The following PTPRF variants were observed in gnomAD, a reference collection of about 807,000 sequenced individuals.
PTPRF encodes the protein protein tyrosine phosphatase receptor type F.
In PTPRF, 59 loss-of-function variants were observed where a neutral mutation model predicts 201.8. The ratio of observed to expected loss-of-function variants is 0.29; its 90% confidence interval spans 0.24 to 0.36. The LOEUF is 0.36. PTPRF is among the 10% of genes least tolerant of loss of function. The probability of loss-of-function intolerance (pLI) is 1.00; values close to 1 mark genes in which losing one functional copy is unlikely to be tolerated. For synonymous variants in PTPRF, 1,088 were observed against 1,089.7 expected (o/e 1.00, Z 0.03); for missense variants, 2,132 against 2,690.5 (o/e 0.79, Z 4.59).
At chr1:43,578,324 T>A (rs1055169622) in intron 6 of PTPRF, among the ~76,000 whole-genome samples, 1 of 152,092 alleles carries the variant, frequency 6.6e-6, no homozygotes, top group African/African-American at 2.4e-5. Flanking sequence ...GCAAACCCAT[T>A]CCTTCCTGGT....
chr1:43,569,343 C>A (rs940986407), intron 5 of PTPRF, among the ~76,000 whole-genome samples: 1 of 151,990 alleles, frequency 6.6e-6, no homozygotes, highest in African/African-American at 2.4e-5. Flanking sequence ...CAGTCTGAGG[C>A]GTTGCCTCTC....
chr1:43,594,649 G>A (rs1173478271), intron 11 of PTPRF, among the ~76,000 whole-genome samples: 1 of 152,118 alleles, frequency 6.6e-6, no homozygotes, highest in Non-Finnish European at 1.5e-5. Context: ...GGTCAGACTT[G>A]GTAATGGGTT....
rs1651030995 is a variant in PTPRF at position 43,592,384 on chromosome 1, GCCCAT to G, written c.1669-72_1669-68del. On this transcript the variant is annotated intron_variant, in intron 10 of 33. Coordinates refer to ENST00000359947, the MANE Select transcript of PTPRF (RefSeq NM_002840.5). ...GTGGGTCCAGAGGTGTCACATTGCAGCCCATGTTGGGGAACAACCTGTGAGTGACT... is the reference window on the plus strand; with the variant it reads ...GTGGGTCCAGAGGTGTCACATTGCAGGTTGGGGAACAACCTGTGAGTGACT... The G allele has an allele frequency of 2.6e-6, 4 of 1,533,306 alleles. No homozygotes were observed. In the African/African-American group the frequency reaches 4.1e-5, roughly 16 times the overall value. 95.0% of individuals were successfully genotyped at this position (1,533,306 alleles called of 1,614,324 possible). A position where few individuals can be genotyped will look rare whatever the true frequency, so the allele number is the denominator to read the frequency against.
chr1:43,613,663 A>G lies in PTPRF; in HGVS notation c.4019A>G (p.Asn1340Ser), dbSNP rs754321401. The change falls in exon 23 of 34, where the codon AAC becomes AGC. Residue 1340 changes from asparagine (N) to serine (S), a missense_variant. Transcript: ENST00000359947. Reference protein sequence around the residue: ...PPIPITDLADNIERLKANDGL... With the variant: ...PPIPITDLADSIERLKANDGL... Reference sequence around the variant, plus strand: ...ATCCCCATCACCGACCTGGCGGACAACATCGAGCGCCTCAAAGCCAACGAT... The same window carrying G: ...ATCCCCATCACCGACCTGGCGGACAGCATCGAGCGCCTCAAAGCCAACGAT... The G allele has an allele frequency of 6.2e-7, 1 of 1,614,130 alleles. No homozygotes were observed. The highest frequency in any genetic ancestry group is 1.1e-5 in the South Asian group (1 of 91,068).
intron 21 of PTPRF, 89 bp downstream of exon 21, chr1:43,607,057 A>G (rs1237226227): frequency 6.6e-7 from 1 of 1,522,556 alleles, no homozygotes; most frequent in African/African-American, 1.4e-5. Context: ...GAGAGCGTGC[A>G]GCCTTGCATC....
chr1:43,569,253 A>G (rs1421977614), intron 5 of PTPRF, among the ~76,000 whole-genome samples: 2 of 113,480 alleles, frequency 1.8e-5, no homozygotes, highest in East Asian at 6.0e-4. Context: ...CCCAGCATTC[A>G]TGCAGTGCTT....
chr1:43,564,763 C>T (rs1007815776), intron 5 of PTPRF, among the ~76,000 whole-genome samples: 3 of 152,076 alleles, frequency 2.0e-5, no homozygotes, highest in Admixed American at 1.3e-4. Flanking sequence ...TGCGTTTGCA[C>T]GGAGACGCCA....
intron 1 of PTPRF, among the ~76,000 whole-genome samples, chr1:43,532,847 C>T (rs1354088451): frequency 6.6e-6 from 1 of 152,110 alleles, no homozygotes; most frequent in Non-Finnish European, 1.5e-5. Context: ...TACCCTCTTG[C>T]CTTCATTTCC....
Position 43,546,861 on chromosome 1 carries a change from C to T in PTPRF, c.91+1695C>T, listed in dbSNP as rs1310277170. 1.3e-5 allele frequency among the ~76,000 whole-genome samples: 2 copies of T among 152,218 alleles called. No individual in the cohort carries two copies. Among genetic ancestry groups the T allele is most frequent in the Admixed American group, 6.5e-5 (1 of 15,282 alleles). ...GTGATATCCCACATCTAATCCATCACCAAGCTCCGTTGCTTCTACCTTCTG... is the reference window on the plus strand; with the variant it reads ...GTGATATCCCACATCTAATCCATCATCAAGCTCCGTTGCTTCTACCTTCTG... On this transcript the variant is annotated intron_variant, in intron 3 of 33. Coordinates refer to ENST00000359947, the MANE Select transcript of PTPRF (RefSeq NM_002840.5). This position sits in a 1 kb window ranked among gnomAD's most constrained non-coding sequence, Gnocchi z 4.2.
intron 1 of PTPRF, 144 bp downstream of exon 1, chr1:43,531,234 A>G (rs532339315): frequency 9.4e-6 from 1 of 106,304 alleles, no homozygotes; most frequent in African/African-American, 3.6e-5. Flanking sequence ...CCGCGCCCCC[A>G]CCTGCCGCGC....
upstream of PTPRF, among the ~76,000 whole-genome samples, chr1:43,529,944 T>C (rs1557644900): frequency 6.6e-6 from 1 of 152,048 alleles, no homozygotes; most frequent in Admixed American, 6.5e-5. Flanking sequence ...CAGCTGGAAT[T>C]GGTATAATAT....
intron 22 of PTPRF, among the ~76,000 whole-genome samples, chr1:43,610,445 A>G (rs957384582): frequency 6.6e-6 from 1 of 152,270 alleles, no homozygotes; most frequent in African/African-American, 2.4e-5. Flanking sequence ...ACAGGGGCAC[A>G]GCAGGAACAG....
rs1645171656 is a variant in PTPRF, at chr1:43,553,685, ACT to A, written c.237+54_237+55del. 1.2e-6 allele frequency: 2 copies of A among 1,610,638 alleles called. No individual in the cohort carries two copies. The highest frequency in any genetic ancestry group is 1.3e-5 in the African/African-American group (1 of 74,858). On this transcript the variant is annotated intron_variant, in intron 4 of 33. Coordinates refer to ENST00000359947, the MANE Select transcript of PTPRF (RefSeq NM_002840.5). The surrounding 1 kb of genome is among the most constrained non-coding windows in gnomAD (Gnocchi z 4.1). ...TCGGCAGGGCTCAGGGTCTGCCCAC[ACT>A]CTCTCCTTTCAGTGTCCCTCCTCAT...
upstream of PTPRF, among the ~76,000 whole-genome samples, chr1:43,530,352 T>G (rs1243591396): frequency 6.6e-6 from 1 of 151,980 alleles, no homozygotes. This position sits in a 1 kb window ranked among gnomAD's most constrained non-coding sequence, Gnocchi z 4.1. Flanking sequence ...GGCTGAGCAT[T>G]AGTACAGGGT....
chr1:43,618,211 CCCAGATGCTGGAGTGTT>C (rs1209097441), intron 25 of PTPRF, among the ~76,000 whole-genome samples: 1 of 152,086 alleles, frequency 6.6e-6, no homozygotes, highest in Non-Finnish European at 1.5e-5. Context: ...TCATGTGTTC[CCCAGATGCTGGAGTGTT>C]CCTGGGGCAT....
chr1:43,604,760 G>A (rs1654631938), intron 16 of PTPRF, 143 bp from the exon 17 acceptor site: 2 of 701,022 alleles, frequency 2.9e-6, no homozygotes, highest in South Asian at 1.7e-5. Context: ...GGCTGGGAGT[G>A]GGGCGCTTGG....
chr1:43,570,236 C>CTGT (rs1646476177), intron 6 of PTPRF, among the ~76,000 whole-genome samples: 2 of 152,218 alleles, frequency 1.3e-5, no homozygotes, highest in African/African-American at 4.8e-5. Context: ...AGGGGACTTG[C>CTGT]TGTTGTCCCT....
chr1:43,585,154 T>C (rs1648799300), intron 7 of PTPRF, among the ~76,000 whole-genome samples: 1 of 152,174 alleles, frequency 6.6e-6, no homozygotes, highest in Non-Finnish European at 1.5e-5. Context: ...TGCTGTTGCT[T>C]CTGTCAATAG....
In PTPRF at chr1:43,546,599, C is replaced by A. The variant is rs1644690673; in HGVS notation, c.91+1433C>A. On this transcript the variant is annotated intron_variant, in intron 3 of 33. Coordinates refer to ENST00000359947, the MANE Select transcript of PTPRF (RefSeq NM_002840.5). The surrounding 1 kb of genome is among the most constrained non-coding windows in gnomAD (Gnocchi z 4.2). ...GACCCAACCCCAGGCACTTTCAGGG[C>A]CTTCAGACAGGAGCTCTAGGGCAGG... 6.6e-6 allele frequency among the ~76,000 whole-genome samples: 1 copy of A among 152,020 alleles called. No individual in the cohort carries two copies. The highest frequency in any genetic ancestry group is 1.5e-5 in the Non-Finnish European group (1 of 67,992).
Sources: gnomAD v4.1 joint callset for allele counts (sites outside exome capture counted in the v4.1 genomes callset) on GRCh38, gnomAD v4.1.1 for gene constraint, Gnocchi (gnomAD v3.1) non-coding constraint, MANE v1.5 for transcripts, NCBI Gene and HGNC (gene_info 2026-07-23, HGNC 2026-07-21) for gene names.